Variants in SORBS2 observed in about 807,000 individuals in gnomAD.
SORBS2 encodes sorbin and SH3 domain-containing protein 2.
SORBS2 carries 46 observed loss-of-function variants against 97.7 expected under a neutral mutation model. The ratio of observed to expected loss-of-function variants is 0.47; its 90% confidence interval spans 0.37 to 0.60. The LOEUF (loss-of-function observed/expected upper bound fraction) is 0.60, where lower values mean the gene tolerates loss of function less well. Among genes scored for constraint, SORBS2 ranks in the 20% least tolerant of loss-of-function variants. The pLI is 0.00. For synonymous variants in SORBS2, 476 were observed against 473.4 expected (o/e 1.01, Z -0.07); for missense variants, 1,316 against 1,282.3 (o/e 1.03, Z -0.40).
chr4:185,937,644 G>A (rs1384313604), intron 1 of SORBS2, among the ~76,000 whole-genome samples: 2 of 152,070 alleles, frequency 1.3e-5, no homozygotes, highest in Non-Finnish European at 2.9e-5. Context: ...TCCTCCTACA[G>A]GCTCCTGATT....
intron 1 of SORBS2, among the ~76,000 whole-genome samples, chr4:185,873,382 C>T (rs972503504): frequency 2.6e-5 from 4 of 152,146 alleles, no homozygotes; most frequent in Admixed American, 2.6e-4. Context: ...TAGATCCTGC[C>T]TTACTACTTG....
At chr4:185,816,429 T>C (rs545018700) in intron 1 of SORBS2, among the ~76,000 whole-genome samples, 1 of 152,294 alleles carries the variant, frequency 6.6e-6, no homozygotes, top group Admixed American at 6.5e-5. Context: ...CTAAAACAAA[T>C]AAAATAGAAT....
intron 12 of SORBS2, among the ~76,000 whole-genome samples, chr4:185,596,822 T>C (rs1269144490): frequency 6.6e-6 from 1 of 151,956 alleles, no homozygotes; most frequent in Non-Finnish European, 1.5e-5. Flanking sequence ...CGTGAGTCAC[T>C]GCGCCCGGCC....
At chr4:185,941,374 CA>C (rs941430036) in intron 1 of SORBS2, among the ~76,000 whole-genome samples, 4 of 141,094 alleles carry the variant, frequency 2.8e-5, no homozygotes, top group African/African-American at 9.9e-5. Context: ...CATGAGGTTA[CA>C]TTTTTTTCCT....
intron 8 of SORBS2, 89 bp from the exon 21 acceptor site, chr4:185,618,720 C>A: frequency 2.8e-6 from 2 of 705,510 alleles, no homozygotes; most frequent in South Asian, 2.7e-5. Flanking sequence ...AAAAAGGAAA[C>A]CTCAGGGAAT....
At chr4:185,693,814 C>A (rs2098132310) in intron 2 of SORBS2, among the ~76,000 whole-genome samples, 1 of 152,162 alleles carries the variant, frequency 6.6e-6, no homozygotes, top group South Asian at 2.1e-4. Context: ...TGTTTGAATT[C>A]AAATGCCGAT....
chr4:185,609,296 A>G (rs192647782), intron 12 of SORBS2, among the ~76,000 whole-genome samples: 115 of 152,348 alleles, frequency 7.5e-4, no homozygotes, highest in Non-Finnish European at 1.4e-3. Context: ...AGATTTGGAA[A>G]GTCTGTGAAA....
At chr4:185,660,556 C>T (rs1256410403), upstream of SORBS2, among the ~76,000 whole-genome samples, 1 of 152,202 alleles carries the variant, frequency 6.6e-6, no homozygotes, top group Non-Finnish European at 1.5e-5. Context: ...CCGCGGCTAC[C>T]TTTAAAGTTT....
At chr4:185,692,600 T>C (rs897781594) in intron 2 of SORBS2, among the ~76,000 whole-genome samples, 55 of 152,272 alleles carry the variant, frequency 3.6e-4, no homozygotes, top group Admixed American at 1.4e-3. Flanking sequence ...TCATTACTGA[T>C]GAAAAATTAT....
chr4:185,657,684 T>A, upstream of SORBS2: 2 of 1,181,958 alleles, frequency 1.7e-6, no homozygotes, highest in Non-Finnish European at 2.4e-6. Flanking sequence ...ATGCCAACTG[T>A]AACACAGAGA....
intron 1 of SORBS2, among the ~76,000 whole-genome samples, chr4:185,791,494 G>A (rs533115065): frequency 3.6e-4 from 55 of 152,172 alleles, no homozygotes; most frequent in Middle Eastern, 3.4e-3. Flanking sequence ...AATAATGGAC[G>A]TACAAAGCCA....
chr4:185,887,777 T>C (rs1022991665), intron 1 of SORBS2, among the ~76,000 whole-genome samples: 3 of 152,188 alleles, frequency 2.0e-5, no homozygotes, highest in Non-Finnish European at 2.9e-5. Context: ...AATCATTTCA[T>C]ATCTTCTGGA....
At position 185,938,676 on chromosome 4, in the gene SORBS2, G is replaced by A. The variant is rs563699498; in HGVS notation, c.-338+17520C>T. ...CACTCTGGTTACGTTCCACCTCCCCGAGAACCCCAGTGCACCAACCCTATG... is the reference window on the plus strand; with the variant it reads ...CACTCTGGTTACGTTCCACCTCCCCAAGAACCCCAGTGCACCAACCCTATG... On this transcript the variant is annotated intron_variant, in intron 1 of 20. Transcript: ENST00000284776. 6.9e-4 allele frequency among the ~76,000 whole-genome samples: 104 copies of A among 151,422 alleles called. 1 individual carries two copies. The highest frequency in any genetic ancestry group is 2.5e-3 in the African/African-American group (102 of 41,236).
chr4:185,762,410 G>A (rs2098901333), intron 2 of SORBS2, among the ~76,000 whole-genome samples: 1 of 152,062 alleles, frequency 6.6e-6, no homozygotes, highest in Non-Finnish European at 1.5e-5. Flanking sequence ...TTATCGTGAA[G>A]GAAGAAACAG....
At chr4:185,838,897 A>C (rs571530100) in intron 1 of SORBS2, among the ~76,000 whole-genome samples, 1 of 152,196 alleles carries the variant, frequency 6.6e-6, no homozygotes, top group South Asian at 2.1e-4. Flanking sequence ...GTATGCTCAC[A>C]AAGACGTGTG....
chr4:185,716,047 T>C (rs1412232927), intron 2 of SORBS2, among the ~76,000 whole-genome samples: 2 of 152,302 alleles, frequency 1.3e-5, no homozygotes, highest in African/African-American at 2.4e-5. Flanking sequence ...TAAATAGAAA[T>C]AGACAGTTCC....
intron 1 of SORBS2, among the ~76,000 whole-genome samples, chr4:185,819,865 GAACA>G (rs2099195638): frequency 6.6e-6 from 1 of 152,128 alleles, no homozygotes; most frequent in African/African-American, 2.4e-5. Flanking sequence ...ATTCACTGTG[GAACA>G]AATAAATAAA....
intron 1 of SORBS2, among the ~76,000 whole-genome samples, chr4:185,798,904 C>T (rs1350056158): frequency 6.6e-6 from 1 of 152,154 alleles, no homozygotes; most frequent in Non-Finnish European, 1.5e-5. Flanking sequence ...AACAGCATCA[C>T]CATCTGCCCA....
chr4:185,858,673 T>G (rs957363388), intron 1 of SORBS2, among the ~76,000 whole-genome samples: 1 of 152,138 alleles, frequency 6.6e-6, no homozygotes, highest in African/African-American at 2.4e-5. Flanking sequence ...GAAACCCACA[T>G]CACCTACCAT....
Sources: allele counts gnomAD v4.1 joint callset (sites outside exome capture counted in the v4.1 genomes callset), GRCh38; gene constraint gnomAD v4.1.1; transcripts MANE v1.5; gene names NCBI Gene and HGNC (gene_info 2026-07-23, HGNC 2026-07-21).